Variants in RAP1GAP2 observed in about 807,000 individuals in gnomAD.
RAP1GAP2 encodes the protein rap1 GTPase-activating protein 2.
In RAP1GAP2, 27 loss-of-function variants were observed where a neutral mutation model predicts 95.0. The observed-to-expected ratio is 0.28, with a 90% confidence interval of 0.21 to 0.39. The LOEUF (loss-of-function observed/expected upper bound fraction) is 0.39. Among genes scored for constraint, RAP1GAP2 ranks in the 10% least tolerant of loss-of-function variants. The pLI, the probability that RAP1GAP2 is intolerant of heterozygous loss-of-function variation, is 1.00. For synonymous variants in RAP1GAP2, 373 were observed against 380.9 expected, an observed-to-expected ratio of 0.98 and a Z score of 0.24; for missense variants, 771 against 970.0, an observed-to-expected ratio of 0.79 and a Z score of 2.72.
intron 2 of RAP1GAP2, among the ~76,000 whole-genome samples, chr17:2,890,660 G>C (rs2073678164): frequency 6.6e-6 from 1 of 151,316 alleles, no homozygotes; most frequent in Admixed American, 6.6e-5. Context: ...ACCAGTTTTT[G>C]GTCCAATTCA....
chr17:2,876,139 G>C (rs1352301611), intron 2 of RAP1GAP2, among the ~76,000 whole-genome samples: 1 of 151,752 alleles, frequency 6.6e-6, no homozygotes, highest in Admixed American at 6.6e-5. Context: ...GGGTTTCACC[G>C]TGTTAGCCAG....
At chr17:3,014,389 CT>C (rs1161586320) in intron 17 of RAP1GAP2, among the ~76,000 whole-genome samples, 1 of 152,126 alleles carries the variant, frequency 6.6e-6, no homozygotes, top group South Asian at 2.1e-4. Context: ...GTATTAGAAT[CT>C]TAATAGGACC....
At chr17:2,980,834 G>A (rs900982769) in intron 9 of RAP1GAP2, among the ~76,000 whole-genome samples, 4 of 152,172 alleles carry the variant, frequency 2.6e-5, no homozygotes, top group Admixed American at 6.5e-5. Context: ...TAGCAAAGTG[G>A]GTGAGCAAGA....
chr17:2,912,121 C>T (rs1035946269), intron 3 of RAP1GAP2, among the ~76,000 whole-genome samples: 1 of 152,216 alleles, frequency 6.6e-6, no homozygotes, highest in Non-Finnish European at 1.5e-5. Flanking sequence ...CAGGGAATGC[C>T]CCCACCGCCT....
intron 2 of RAP1GAP2, among the ~76,000 whole-genome samples, chr17:2,801,597 ATGTGTG>A (rs71150898): frequency 0.084 from 10,135 of 121,104 alleles, 413 homozygotes; most frequent in East Asian, 0.19. Context: ...ACTCCAGGGT[ATGTGTG>A]TGTGTGTGTG....
rs529750974 is a variant in RAP1GAP2 at position 2,827,586 on chromosome 17, T to C, written c.80+27036T>C. On this transcript the variant is annotated intron_variant, in intron 2 of 24. Transcript: ENST00000254695. This position sits in a 1 kb window ranked among gnomAD's most constrained non-coding sequence, Gnocchi z 4.1. ...ACTTTGGGAGGCCAAGGCGGGTGGA[T>C]CACCTGAGGTCAGGGGTTCAAGACC... 2.4e-3 allele frequency among the ~76,000 whole-genome samples: 368 copies of C among 151,980 alleles called. No homozygotes were observed. The highest frequency in any genetic ancestry group is 8.4e-3 in the African/African-American group (350 of 41,468).
At chr17:2,901,536 A>C (rs2042026551) in intron 2 of RAP1GAP2, among the ~76,000 whole-genome samples, 2 of 152,132 alleles carry the variant, frequency 1.3e-5, no homozygotes, top group Non-Finnish European at 2.9e-5. Flanking sequence ...GTGCCATGAC[A>C]TGTGGCAAGA....
rs1184602503 is a variant in RAP1GAP2 at position 3,036,500 on chromosome 17, T to C, written c.*3139T>C. 1 of 152,290 alleles carries C rather than the reference T, an allele frequency of 6.6e-6. No individual in the cohort carries two copies. The highest frequency in any genetic ancestry group is 2.4e-5 in the African/African-American group (1 of 41,438). The allele number at this position is 152,290 out of a possible 1,614,324, so 9.4% of individuals were successfully genotyped here. A position where few individuals can be genotyped will look rare whatever the true frequency, so the allele number is the denominator to read the frequency against. On this transcript the variant is annotated 3_prime_UTR_variant, in exon 25 of 25. Transcript: ENST00000254695. ...ATGCTGGTGAGGCTGCAGTTTCTGCTCTTTTTCATCAGGGGGGATAGTCTC... is the reference window on the plus strand; with the variant it reads ...ATGCTGGTGAGGCTGCAGTTTCTGCCCTTTTTCATCAGGGGGGATAGTCTC...
intron 3 of RAP1GAP2, among the ~76,000 whole-genome samples, chr17:2,930,190 C>T (rs774396773): frequency 6.6e-6 from 1 of 152,234 alleles, no homozygotes; most frequent in East Asian, 1.9e-4. Context: ...TGACTGGGAG[C>T]GGGATTGTCC....
chr17:2,846,748 G>T (rs1057410558), intron 2 of RAP1GAP2, among the ~76,000 whole-genome samples: 2 of 152,082 alleles, frequency 1.3e-5, no homozygotes, highest in African/African-American at 4.8e-5. Flanking sequence ...GTCCAAGGCC[G>T]CATGCATAGT....
Position 2,888,762 on chromosome 17 carries a change from C to T in RAP1GAP2, c.81-16522C>T, listed in dbSNP as rs141516500. On this transcript the variant is annotated intron_variant, in intron 2 of 24. Coordinates refer to ENST00000254695, the MANE Select transcript of RAP1GAP2 (RefSeq NM_015085.5). ...CGCCTCCCGGGTTCAAGTGATTCTCCGGCCTCAGCCTCCCAAGTAGTTGGG... is the reference window on the plus strand; with the variant it reads ...CGCCTCCCGGGTTCAAGTGATTCTCTGGCCTCAGCCTCCCAAGTAGTTGGG... 4.4e-3 allele frequency among the ~76,000 whole-genome samples: 664 copies of T among 151,460 alleles called. 20 individuals are homozygous for T. In the East Asian group the frequency reaches 0.068, roughly 15 times the overall value.
intron 11 of RAP1GAP2, 21 bp downstream of exon 11, chr17:2,985,087 C>G: frequency 6.2e-7 from 1 of 1,613,342 alleles, no homozygotes; most frequent in Non-Finnish European, 8.5e-7. Context: ...CCATCCATAC[C>G]GGTGACTGTA....
intron 3 of RAP1GAP2, among the ~76,000 whole-genome samples, chr17:2,939,616 C>T (rs1165647948): frequency 6.6e-6 from 1 of 152,228 alleles, no homozygotes; most frequent in Non-Finnish European, 1.5e-5. Flanking sequence ...AACACTGTGG[C>T]TGGTTTCCTG....
chr17:2,789,909 A>C (rs1273089249), intron 1 of RAP1GAP2, among the ~76,000 whole-genome samples: 1 of 151,870 alleles, frequency 6.6e-6, no homozygotes, highest in Admixed American at 6.6e-5. Context: ...GCTTTTCAGC[A>C]CTTGTGCAAT....
rs968112420 is a variant in RAP1GAP2, at chr17:3,008,537, C to T, written c.1494+392C>T. ...GCAGGAGCGAGGACCACAGCCCTTA[C>T]GGGTCTTCGTAGCTGCTGTGGGTGC... On this transcript the variant is annotated intron_variant, in intron 17 of 24. Coordinates refer to ENST00000254695, the MANE Select transcript of RAP1GAP2 (RefSeq NM_015085.5). This position sits in a 1 kb window ranked among gnomAD's most constrained non-coding sequence, Gnocchi z 4.2. 3.9e-5 allele frequency among the ~76,000 whole-genome samples: 6 copies of T among 152,154 alleles called. No homozygotes were observed. The highest frequency in any genetic ancestry group is 2.1e-4 in the South Asian group (1 of 4,828).
chr17:2,934,648 G>A lies in RAP1GAP2; in HGVS notation c.166-23111G>A, dbSNP rs141248340. ...GTCTACTACTGTATTTCATTGCTTC[G>A]AAGACACTTTCTTCCCTCTCATTTA... On this transcript the variant is annotated intron_variant, in intron 3 of 24. Coordinates refer to ENST00000254695, the MANE Select transcript of RAP1GAP2 (RefSeq NM_015085.5). Among the ~76,000 whole-genome samples, 5 of 152,220 alleles carry A rather than the reference G, an allele frequency of 3.3e-5. No homozygotes were observed. The East Asian group carries it at 5.8e-4, about 18-fold the overall frequency.
intron 2 of RAP1GAP2, among the ~76,000 whole-genome samples, chr17:2,806,376 T>TTTATTATTATTA (rs4060867): frequency 0.033 from 4,614 of 139,892 alleles, 89 homozygotes; most frequent in Middle Eastern, 0.043. Flanking sequence ...CTACAACCTT[T>TTTATTATTATTA]TTATTATTAT....
At chr17:2,945,751 C>G (rs562483178) in intron 3 of RAP1GAP2, among the ~76,000 whole-genome samples, 1 of 151,792 alleles carries the variant, frequency 6.6e-6, no homozygotes, top group East Asian at 1.9e-4. Flanking sequence ...CTTCTTCATC[C>G]TGTTAATGTG....
In RAP1GAP2 at chr17:2,911,314, C is replaced by T. The variant is rs189484751; in HGVS notation, c.165+5946C>T. Reference sequence around the variant, plus strand: ...TAAAAAGCAACCAAAGAGATGCTGACCAGATGGGCTGAATAAGATCCCAGT... The same window carrying T: ...TAAAAAGCAACCAAAGAGATGCTGATCAGATGGGCTGAATAAGATCCCAGT... On this transcript the variant is annotated intron_variant, in intron 3 of 24. Transcript: ENST00000254695. Among the ~76,000 whole-genome samples, 121 of 147,106 alleles carry T rather than the reference C, an allele frequency of 8.2e-4. 1 individual carries two copies. The highest frequency in any genetic ancestry group is 2.7e-3 in the African/African-American group (106 of 39,852).
Sources: gnomAD v4.1 joint callset for allele counts (sites outside exome capture counted in the v4.1 genomes callset) on GRCh38, gnomAD v4.1.1 for gene constraint, Gnocchi (gnomAD v3.1) non-coding constraint, MANE v1.5 for transcripts, NCBI Gene and HGNC (gene_info 2026-07-23, HGNC 2026-07-21) for gene names.